Variants in NAA50 observed in about 807,000 individuals in gnomAD.
NAA50 encodes N-alpha-acetyltransferase 50.
In NAA50, 7 loss-of-function variants were observed where a neutral mutation model predicts 20.7. The observed-to-expected ratio is 0.34, with a 90% CI of 0.19 to 0.63. NAA50 has a LOEUF of 0.63. Ranked by LOEUF, NAA50 falls within the 30% of genes least tolerant of loss-of-function variation. The pLI, the probability that NAA50 is intolerant of heterozygous loss-of-function variation, is 0.75. For missense variants in NAA50, 111 were observed against 199.1 expected (o/e 0.56, Z 2.66); for synonymous variants, 54 against 70.6 (o/e 0.77, Z 1.18).
intron 3 of NAA50, 75 bp from the exon 4 acceptor site, chr3:113,723,047 C>A: frequency 7.0e-7 from 1 of 1,436,202 alleles, no homozygotes; most frequent in Non-Finnish European, 9.2e-7. Context: ...CACTTGCCAT[C>A]TGAACTACTT....
intron 2 of NAA50, 82 bp downstream of exon 2, chr3:113,723,877 C>G: frequency 7.2e-7 from 1 of 1,390,652 alleles, no homozygotes; most frequent in Non-Finnish European, 9.5e-7. Context: ...AATTAGTTAA[C>G]TTCTTCTGCT....
chr3:113,722,062 G>C (rs758675928), intron 4 of NAA50, 125 bp from the exon 5 acceptor site: 32 of 848,768 alleles, frequency 3.8e-5, no homozygotes, highest in Non-Finnish European at 5.7e-5. Flanking sequence ...ATCAACAAGG[G>C]TTAGGCATGC....
rs952518965 is a variant in NAA50 at position 113,721,631 on chromosome 3, G to A, written c.*129C>T. The A allele has an allele frequency of 4.1e-5, 38 of 915,746 alleles. No individual in the cohort carries two copies. Among genetic ancestry groups the A allele is most frequent in the Non-Finnish European group, 6.2e-5 (37 of 594,054 alleles). The allele number at this position is 915,746 out of a possible 1,614,324, so 56.7% of individuals were successfully genotyped here. A position where few individuals can be genotyped will look rare whatever the true frequency, so the allele number is the denominator to read the frequency against. On this transcript the variant is annotated 3_prime_UTR_variant, in exon 5 of 5. Coordinates refer to ENST00000240922, the MANE Select transcript of NAA50 (RefSeq NM_025146.4). ...TTAAAACTCTCAGAGAAAAGGAAAG[G>A]AAGAAAGAAAAACAAGAACAAGGAG...
At chr3:113,722,811 G>A in intron 4 of NAA50, 95 bp downstream of exon 4, 1 of 1,361,338 alleles carries the variant, frequency 7.3e-7, no homozygotes, top group Non-Finnish European at 9.8e-7. Context: ...TGTTTCCAAA[G>A]GCACAATAAG....
rs201449405 is a variant in NAA50, at chr3:113,724,099, G to A, written c.9-4C>T. 15 of 1,562,486 alleles carry A rather than the reference G, an allele frequency of 9.6e-6. No individual in the cohort carries two copies. The highest frequency in any genetic ancestry group is 1.4e-5 in the African/African-American group (1 of 73,258). On this transcript the variant is annotated splice_region_variant and splice_polypyrimidine_tract_variant and intron_variant, in intron 1 of 4. Transcript: ENST00000240922. ...ATCTCCCAGCTCGATCCGGCTACTG[G>A]AACAAATCAAAATGTACTCAATAAA...
At chr3:113,742,876 T>C (rs1242969075) in intron 1 of NAA50, among the ~76,000 whole-genome samples, 1 of 152,210 alleles carries the variant, frequency 6.6e-6, no homozygotes, top group African/African-American at 2.4e-5. Context: ...TTTATTATAC[T>C]TTCCATTACA....
At position 113,742,425 on chromosome 3, in the gene NAA50, C is replaced by CTTT. The variant is rs770744656; in HGVS notation, c.8+3514_8+3516dup. ...TACAGACTTGCACCAGCATGCCTGG[C>CTTT]TTTTTTTTTTTTTTTTTTGAGACAG... On this transcript the variant is annotated intron_variant, in intron 1 of 4. Coordinates refer to ENST00000240922, the MANE Select transcript of NAA50 (RefSeq NM_025146.4). 5.8e-3 allele frequency among the ~76,000 whole-genome samples: 761 copies of CTTT among 130,202 alleles called. 21 individuals are homozygous for CTTT. The highest frequency in any genetic ancestry group is 0.021 in the African/African-American group (719 of 34,486). 85.4% of individuals were successfully genotyped at this position (130,202 alleles called of 152,430 possible).
intron 1 of NAA50, among the ~76,000 whole-genome samples, chr3:113,741,739 G>C (rs140610008): frequency 1.3e-5 from 2 of 152,300 alleles, no homozygotes; most frequent in Middle Eastern, 3.4e-3. Flanking sequence ...AACTCAGAAA[G>C]TATTGATTAT....
At chr3:113,741,363 C>T in intron 1 of NAA50, 1 of 213,230 alleles carries the variant, frequency 4.7e-6, no homozygotes. Context: ...TAAAATTGTG[C>T]CATTAAGTTA....
chr3:113,732,630 T>C (rs966546372), intron 1 of NAA50, among the ~76,000 whole-genome samples: 6 of 152,200 alleles, frequency 3.9e-5, no homozygotes. Flanking sequence ...CTGTTTCCTT[T>C]ACTCTTCTTA....
intron 1 of NAA50, chr3:113,739,718 G>A (rs1708387962): frequency 6.6e-6 from 1 of 152,140 alleles, no homozygotes; most frequent in South Asian, 2.1e-4. Flanking sequence ...TCAACACAGA[G>A]GTATAAACAG....
Position 113,718,681 on chromosome 3 carries a change from T to C in NAA50, c.*3079A>G, listed in dbSNP as rs1055295021. 10 of 152,182 alleles carry C rather than the reference T, an allele frequency of 6.6e-5. No homozygotes were observed. Among genetic ancestry groups the C allele is most frequent in the African/African-American group, 9.7e-5 (4 of 41,450 alleles). The allele number at this position is 152,182 out of a possible 1,614,324, so 9.4% of individuals were successfully genotyped here. A position where few individuals can be genotyped will look rare whatever the true frequency, so the allele number is the denominator to read the frequency against. On this transcript the variant is annotated 3_prime_UTR_variant, in exon 5 of 5. Transcript: ENST00000240922. ...TAGCCAATAAACATTACTAACTAGA[T>C]TGCAGCCTAAAGTGTCAAGTATTTC...
intron 1 of NAA50, among the ~76,000 whole-genome samples, chr3:113,738,999 C>T (rs1007671108): frequency 2.6e-5 from 4 of 152,104 alleles, no homozygotes; most frequent in Admixed American, 6.5e-5. Flanking sequence ...CAATTAATAA[C>T]TGGGTAAGTT....
chr3:113,728,987 T>C (rs951389389), intron 1 of NAA50, among the ~76,000 whole-genome samples: 5 of 151,562 alleles, frequency 3.3e-5, no homozygotes, highest in Admixed American at 1.3e-4. Flanking sequence ...TTTTTCCTTT[T>C]CTTTTTTTTT....
chr3:113,744,605 C>T (rs773823248), intron 1 of NAA50, among the ~76,000 whole-genome samples: 1 of 152,160 alleles, frequency 6.6e-6, no homozygotes, highest in African/African-American at 2.4e-5. Context: ...ACTTCCTATA[C>T]CCGTCAATTA....
Position 113,746,215 on chromosome 3 carries a change from C to G in NAA50, c.-266G>C, listed in dbSNP as rs1226242153. 2.0e-6 allele frequency: 1 copy of G among 496,248 alleles called. No homozygotes were observed. The highest frequency in any genetic ancestry group is 3.5e-6 in the Non-Finnish European group (1 of 282,184). 30.7% of individuals were successfully genotyped at this position (496,248 alleles called of 1,614,324 possible). A position where few individuals can be genotyped will look rare whatever the true frequency, so the allele number is the denominator to read the frequency against. ...TCTCTCGGCTCCCTCCCGCCGCTGC[C>G]GCCAGCCAGACCCGCTGCCGCGCTG... On this transcript the variant is annotated 5_prime_UTR_variant, in exon 1 of 5. Transcript: ENST00000240922.
intron 1 of NAA50, chr3:113,741,107 G>A: frequency 1.8e-6 from 1 of 547,000 alleles, no homozygotes; most frequent in Non-Finnish European, 3.6e-6. Context: ...AAAGTTATGT[G>A]GATGACTATA....
Position 113,731,381 on chromosome 3 carries a change from A to G in NAA50, c.9-7286T>C, listed in dbSNP as rs79988848. 7.9e-5 allele frequency among the ~76,000 whole-genome samples: 12 copies of G among 152,268 alleles called. No homozygotes were observed. In the East Asian group the frequency reaches 2.3e-3, roughly 29 times the overall value. ...AAATATGCCTAACTCAAGATCACAA[A>G]GATTTTTATGTTTTCTCTAGACATT... On this transcript the variant is annotated intron_variant, in intron 1 of 4. Coordinates refer to ENST00000240922, the MANE Select transcript of NAA50 (RefSeq NM_025146.4).
At chr3:113,744,447 G>C (rs1471512690) in intron 1 of NAA50, among the ~76,000 whole-genome samples, 2 of 151,080 alleles carry the variant, frequency 1.3e-5, no homozygotes, top group African/African-American at 2.4e-5. Context: ...CTGGGCAACA[G>C]AGCCAGACCC....
Sources: allele counts gnomAD v4.1 joint callset (sites outside exome capture counted in the v4.1 genomes callset), GRCh38; gene constraint gnomAD v4.1.1; transcripts MANE v1.5; gene names NCBI Gene and HGNC (gene_info 2026-07-23, HGNC 2026-07-21).